The following ADGRB3 variants were observed in gnomAD, a reference collection of about 807,000 sequenced individuals.
ADGRB3 encodes the protein adhesion G protein-coupled receptor B3.
A neutral mutation model predicts 193.4 loss-of-function variants in ADGRB3; 37 were observed. That is an observed-to-expected ratio of 0.19 (90% CI 0.15 to 0.25). The LOEUF is 0.25. Among genes scored for constraint, ADGRB3 ranks in the 10% least tolerant of loss-of-function variants. The pLI is 1.00. For missense variants in ADGRB3, 1,637 were observed against 1,852.9 expected, an observed-to-expected ratio of 0.88 and a Z score of 2.14; for synonymous variants, 690 against 644.2, an observed-to-expected ratio of 1.07 and a Z score of -1.08.
chr6:68,712,462 A>G (rs1454272804), intron 3 of ADGRB3, among the ~76,000 whole-genome samples: 1 of 152,072 alleles, frequency 6.6e-6, no homozygotes, highest in African/African-American at 2.4e-5. Flanking sequence ...TGTCAAAATC[A>G]CTAGAAATCT....
intron 17 of ADGRB3, among the ~76,000 whole-genome samples, chr6:69,190,124 C>T (rs1305885251): frequency 2.6e-5 from 4 of 151,906 alleles, no homozygotes; most frequent in Non-Finnish European, 4.4e-5. Flanking sequence ...CTATATTGTA[C>T]TGTTTATCAT....
chr6:68,726,422 C>T (rs1303171905), intron 3 of ADGRB3, among the ~76,000 whole-genome samples: 1 of 151,502 alleles, frequency 6.6e-6, no homozygotes. Context: ...ATCCATTACT[C>T]CATGAACAGA....
At chr6:68,982,320 ATCCT>A (rs1169474178) in intron 10 of ADGRB3, among the ~76,000 whole-genome samples, 3 of 152,204 alleles carry the variant, frequency 2.0e-5, no homozygotes, top group African/African-American at 7.2e-5. Flanking sequence ...CCCAAAAAGT[ATCCT>A]TCCTTTCCTT....
chr6:68,839,977 A>G (rs948443881), intron 3 of ADGRB3, among the ~76,000 whole-genome samples: 1 of 152,170 alleles, frequency 6.6e-6, no homozygotes, highest in African/African-American at 2.4e-5. Context: ...AACACCAGAC[A>G]GAAATTGGCA....
intron 16 of ADGRB3, among the ~76,000 whole-genome samples, chr6:69,065,759 A>G (rs894344066): frequency 8.5e-6 from 1 of 118,024 alleles, no homozygotes; most frequent in African/African-American, 3.0e-5. Context: ...CTTCATGTAT[A>G]TATATACACA....
intron 3 of ADGRB3, among the ~76,000 whole-genome samples, chr6:68,831,070 T>C (rs192142072): frequency 6.8e-4 from 103 of 151,742 alleles, no homozygotes; most frequent in African/African-American, 2.4e-3. Flanking sequence ...ATCCTGGAAA[T>C]ACAGACAAAG....
chr6:68,818,760 T>A (rs1767685662), intron 3 of ADGRB3, among the ~76,000 whole-genome samples: 1 of 152,092 alleles, frequency 6.6e-6, no homozygotes, highest in African/African-American at 2.4e-5. Flanking sequence ...GTTATTATAT[T>A]TTGCCAATAC....
chr6:68,777,293 C>A (rs527777861), intron 3 of ADGRB3, among the ~76,000 whole-genome samples: 30 of 152,142 alleles, frequency 2.0e-4, no homozygotes, highest in Admixed American at 1.8e-3. Context: ...CACTATGATG[C>A]AATTAGCAAT....
At chr6:68,735,657 T>C (rs184442360) in intron 3 of ADGRB3, among the ~76,000 whole-genome samples, 246 of 152,230 alleles carry the variant, frequency 1.6e-3, no homozygotes, top group African/African-American at 5.2e-3. Flanking sequence ...AAAATGCTTT[T>C]AAACTGAATA....
At chr6:69,377,654 A>G (rs1769858178) in intron 30 of ADGRB3, among the ~76,000 whole-genome samples, 1 of 152,010 alleles carries the variant, frequency 6.6e-6, no homozygotes, top group Admixed American at 6.6e-5. Flanking sequence ...CAGACCTCAT[A>G]CTATAATGTT....
intron 3 of ADGRB3, among the ~76,000 whole-genome samples, chr6:68,798,235 A>G (rs1767247797): frequency 6.6e-6 from 1 of 152,224 alleles, no homozygotes; most frequent in African/African-American, 2.4e-5. Flanking sequence ...GTGTATTTTA[A>G]TTCAGTTTGG....
chr6:69,236,790 A>T (rs1766276175), intron 19 of ADGRB3, among the ~76,000 whole-genome samples: 2 of 152,036 alleles, frequency 1.3e-5, no homozygotes, highest in African/African-American at 4.8e-5. Context: ...AGTCCATAAT[A>T]AAGTTTTCTT....
At chr6:68,870,715 A>G (rs1765431687) in intron 3 of ADGRB3, among the ~76,000 whole-genome samples, 1 of 152,208 alleles carries the variant, frequency 6.6e-6, no homozygotes, top group South Asian at 2.1e-4. Context: ...ATTCAGAGCA[A>G]GTTATTGAAC....
chr6:68,888,633 A>G (rs1179738230), intron 3 of ADGRB3, among the ~76,000 whole-genome samples: 3 of 152,146 alleles, frequency 2.0e-5, no homozygotes, highest in African/African-American at 7.2e-5. Flanking sequence ...TAACAAATAT[A>G]TAATTATGGA....
At chr6:69,022,859 A>G (rs951252680) in intron 13 of ADGRB3, among the ~76,000 whole-genome samples, 2 of 152,028 alleles carry the variant, frequency 1.3e-5, no homozygotes, top group African/African-American at 4.8e-5. Flanking sequence ...GACTAGAATG[A>G]CAAGGCAAGG....
At chr6:69,005,116 T>C (rs1012012441) in intron 11 of ADGRB3, among the ~76,000 whole-genome samples, 1 of 152,138 alleles carries the variant, frequency 6.6e-6, no homozygotes, top group East Asian at 1.9e-4. Flanking sequence ...TTTTATAACA[T>C]TGGGTGTTCT....
intron 20 of ADGRB3, among the ~76,000 whole-genome samples, chr6:69,251,368 T>C (rs1298398105): frequency 9.1e-6 from 1 of 110,322 alleles, no homozygotes; most frequent in African/African-American, 3.4e-5. Flanking sequence ...TAGGAACCCA[T>C]TTTTTTTTTA....
chr6:69,207,497 A>T (rs1050991075), intron 17 of ADGRB3, among the ~76,000 whole-genome samples: 1 of 151,870 alleles, frequency 6.6e-6, no homozygotes, highest in African/African-American at 2.4e-5. Context: ...ATCTCAACAG[A>T]CTCCACACCA....
At chr6:68,733,573 C>T (rs914090620) in intron 3 of ADGRB3, among the ~76,000 whole-genome samples, 3 of 151,712 alleles carry the variant, frequency 2.0e-5, no homozygotes, top group African/African-American at 4.8e-5. Context: ...GAAGCCCAAA[C>T]CTCAACATTA....
Sources: allele counts gnomAD v4.1 joint callset (sites outside exome capture counted in the v4.1 genomes callset), GRCh38; gene constraint gnomAD v4.1.1; transcripts MANE v1.5; gene names NCBI Gene and HGNC (gene_info 2026-07-23, HGNC 2026-07-21).